Variants in SH3KBP1 observed in about 807,000 individuals in gnomAD.
The protein encoded by SH3KBP1 is SH3 domain containing kinase binding protein 1, also known as SH3 domain-containing kinase-binding protein 1.
In SH3KBP1, 8 loss-of-function variants were observed where a neutral mutation model predicts 50.1. The ratio of observed to expected loss-of-function variants is 0.16; its 90% CI spans 0.09 to 0.29. The LOEUF (loss-of-function observed/expected upper bound fraction) is 0.29. Ranked by LOEUF, SH3KBP1 falls within the 10% of genes least tolerant of loss-of-function variation. The pLI, the probability that SH3KBP1 is intolerant of heterozygous loss-of-function variation, is 1.00. For synonymous variants in SH3KBP1, 227 were observed against 218.6 expected, an observed-to-expected ratio of 1.04 and a Z score of -0.34; for missense variants, 377 against 535.2, an observed-to-expected ratio of 0.70 and a Z score of 2.92.
chrX:19,658,034 C>A (rs1301158067), intron 6 of SH3KBP1, among the ~76,000 whole-genome samples: 1 of 111,159 alleles, frequency 9.0e-6, no homozygotes, highest in Non-Finnish European at 1.9e-5. Flanking sequence ...AGCCACTGAA[C>A]TACACACTTA....
intron 12 of SH3KBP1, among the ~76,000 whole-genome samples, chrX:19,578,799 T>G (rs1172122899): frequency 8.9e-6 from 1 of 112,241 alleles, no homozygotes; most frequent in African/African-American, 3.2e-5. Flanking sequence ...TTACTGCTCA[T>G]GGAACTTGGA....
intron 2 of SH3KBP1, among the ~76,000 whole-genome samples, chrX:19,831,854 T>C (rs1223895522): frequency 9.5e-6 from 1 of 105,701 alleles, no homozygotes; most frequent in Non-Finnish European, 1.9e-5. Context: ...CACATTATTC[T>C]TACACTACAT....
chrX:19,634,298 T>C (rs1453404476), intron 7 of SH3KBP1, among the ~76,000 whole-genome samples: 7 of 110,598 alleles, frequency 6.3e-5, no homozygotes, highest in African/African-American at 2.3e-4. Context: ...TTTGGTGCTC[T>C]TGAAATCATA....
intron 2 of SH3KBP1, among the ~76,000 whole-genome samples, chrX:19,781,871 C>A (rs2066192082): frequency 9.0e-6 from 1 of 111,711 alleles, no homozygotes; most frequent in Admixed American, 9.5e-5. Flanking sequence ...AAATGTGCCT[C>A]AATAAAGTTA....
chrX:19,569,317 G>C, intron 12 of SH3KBP1, 129 bp from the exon 13 acceptor site: 2 of 579,306 alleles, frequency 3.5e-6, no homozygotes, highest in Non-Finnish European at 5.8e-6. Flanking sequence ...CTGTGAGGGA[G>C]CCAGAGAACC....
chrX:19,842,065 G>T (rs1215536988), intron 1 of SH3KBP1, among the ~76,000 whole-genome samples: 1 of 111,585 alleles, frequency 9.0e-6, no homozygotes, highest in South Asian at 3.7e-4. Context: ...TAGGGCCGGG[G>T]ATGGGAATGG....
chrX:19,554,224 CATATTAAAATATATTATAT>C (rs760305542), intron 13 of SH3KBP1, among the ~76,000 whole-genome samples: 4,659 of 66,617 alleles, frequency 0.07, 312 homozygotes, highest in African/African-American at 0.093. Flanking sequence ...TATTATATAT[CATATTAAAATATATTATAT>C]ATATTAAAAT....
At chrX:19,565,841 T>G (rs2065827300) in intron 13 of SH3KBP1, among the ~76,000 whole-genome samples, 1 of 112,035 alleles carries the variant, frequency 8.9e-6, no homozygotes, top group African/African-American at 3.2e-5. Flanking sequence ...GACCTTGATT[T>G]TTTAAAATGG....
intron 2 of SH3KBP1, among the ~76,000 whole-genome samples, chrX:19,805,634 C>T (rs771598508): frequency 9.1e-6 from 1 of 109,817 alleles, no homozygotes; most frequent in African/African-American, 3.3e-5. Context: ...TGCTAATTAC[C>T]GTCTGGTTTG....
At chrX:19,596,651 C>T (rs1393922219) in intron 9 of SH3KBP1, among the ~76,000 whole-genome samples, 1 of 112,148 alleles carries the variant, frequency 8.9e-6, no homozygotes, top group Middle Eastern at 4.2e-3. Context: ...CTCTCAAATC[C>T]CGCCACTGCT....
At chrX:19,774,919 C>T (rs1381216810) in intron 2 of SH3KBP1, among the ~76,000 whole-genome samples, 1 of 111,158 alleles carries the variant, frequency 9.0e-6, no homozygotes, top group African/African-American at 3.3e-5. Context: ...TAGACCCCCA[C>T]ACCTGGCCAG....
chrX:19,798,600 C>T (rs1342786151), intron 2 of SH3KBP1, among the ~76,000 whole-genome samples: 1 of 111,831 alleles, frequency 8.9e-6, no homozygotes, highest in Non-Finnish European at 1.9e-5. Context: ...ATACCCTTTC[C>T]CCAGGACCTT....
At chrX:19,872,835 A>T (rs111479144) in intron 1 of SH3KBP1, among the ~76,000 whole-genome samples, 5,531 of 91,794 alleles carry the variant, frequency 0.06, 353 homozygotes, top group African/African-American at 0.21. Flanking sequence ...TCTCTCTCTC[A>T]CACACACACA....
intron 5 of SH3KBP1, among the ~76,000 whole-genome samples, chrX:19,690,018 T>C (rs868013527): frequency 3.9e-4 from 43 of 109,170 alleles, no homozygotes; most frequent in African/African-American, 1.2e-3. Context: ...TGGTTTGCTA[T>C]ACATTTTTAA....
chrX:19,683,409 T>G (rs1433969185), intron 6 of SH3KBP1: 3 of 357,878 alleles, frequency 8.4e-6, no homozygotes, highest in Non-Finnish European at 1.1e-5. Flanking sequence ...TTCACTCTAG[T>G]GCAGAACCAC....
chrX:19,583,942 TTATAAA>T (rs2147939088), intron 12 of SH3KBP1, among the ~76,000 whole-genome samples: 1 of 97,561 alleles, frequency 1.0e-5, no homozygotes, highest in East Asian at 3.0e-4. Context: ...ATATTTATAT[TTATAAA>T]TATATATTGT....
At chrX:19,853,105 A>T (rs1029270921) in intron 1 of SH3KBP1, among the ~76,000 whole-genome samples, 1 of 112,779 alleles carries the variant, frequency 8.9e-6, no homozygotes, top group Non-Finnish European at 1.9e-5. Flanking sequence ...AATGCACTAC[A>T]GAATTTTCTT....
intron 13 of SH3KBP1, among the ~76,000 whole-genome samples, chrX:19,561,582 C>G (rs2065679858): frequency 8.9e-6 from 1 of 111,757 alleles, no homozygotes; most frequent in Admixed American, 9.5e-5. Flanking sequence ...TCCATCTTTG[C>G]AGATGTGAGC....
intron 6 of SH3KBP1, 42 bp from the exon 7 acceptor site, chrX:19,645,517 T>C (rs777824678): frequency 1.0e-6 from 1 of 977,197 alleles, no homozygotes; most frequent in African/African-American, 1.9e-5. Context: ...AAGATGATTG[T>C]CTCCATTAAG....
Sources: allele counts gnomAD v4.1 joint callset (sites outside exome capture counted in the v4.1 genomes callset), GRCh38; gene constraint gnomAD v4.1.1; transcripts MANE v1.5; gene names NCBI Gene and HGNC (gene_info 2026-07-23, HGNC 2026-07-21).